The following ZDHHC14 variants were observed in gnomAD, a reference collection of about 807,000 sequenced individuals.
ZDHHC14 encodes the protein zDHHC palmitoyltransferase 14.
Under a neutral mutation model 47.7 loss-of-function variants are expected in ZDHHC14, and 16 were observed. The observed-to-expected ratio is 0.34, with a 90% CI of 0.23 to 0.51. ZDHHC14 has a LOEUF of 0.51. Ranked by LOEUF, ZDHHC14 falls within the 20% of genes least tolerant of loss-of-function variation. The pLI is 0.97. For missense variants in ZDHHC14, 515 were observed against 662.5 expected (o/e 0.78, Z 2.44); for synonymous variants, 293 against 278.9 (o/e 1.05, Z -0.50).
intron 5 of ZDHHC14, among the ~76,000 whole-genome samples, chr6:157,640,983 G>A (rs1277698439): frequency 6.6e-6 from 1 of 152,170 alleles, no homozygotes; most frequent in African/African-American, 2.4e-5. Flanking sequence ...TGATACGGGG[G>A]TGGGAGGACT....
chr6:157,578,576 C>A (rs900245703), intron 2 of ZDHHC14, among the ~76,000 whole-genome samples: 1 of 152,166 alleles, frequency 6.6e-6, no homozygotes, highest in Non-Finnish European at 1.5e-5. Flanking sequence ...TGTGGCCCCA[C>A]CCAAATCTCA....
intron 8 of ZDHHC14, among the ~76,000 whole-genome samples, chr6:157,657,291 A>G (rs551689949): frequency 6.6e-6 from 1 of 152,120 alleles, no homozygotes; most frequent in South Asian, 2.1e-4. Context: ...CAAGCGATCC[A>G]CCTGCCTCAG....
chr6:157,582,340 T>C lies in ZDHHC14; in HGVS notation c.407-10648T>C, dbSNP rs1783547932. Among the ~76,000 whole-genome samples the C allele has an allele frequency of 6.6e-6, 1 of 152,242 alleles. No homozygotes were observed. Among genetic ancestry groups the C allele is most frequent in the South Asian group, 2.1e-4 (1 of 4,834 alleles). On this transcript the variant is annotated intron_variant, in intron 2 of 8. Transcript: ENST00000359775. The surrounding 1 kb of genome is among the most constrained non-coding windows in gnomAD (Gnocchi z 4.3). The stretch of plus-strand genomic sequence containing the variant: ...GTTGCTTTATAGAGTCACCAGTCTG[T>C]GTACTTGAGTGTGTTTTTGTAGTGG...
chr6:157,579,190 G>GTTT (rs1187065924), intron 2 of ZDHHC14, among the ~76,000 whole-genome samples: 1,845 of 63,932 alleles, frequency 0.029, 573 homozygotes, highest in Non-Finnish European at 0.038. Context: ...TTGATTCTGT[G>GTTT]TTTTTTTTTT....
chr6:157,537,612 C>A (rs1490537008), intron 1 of ZDHHC14, among the ~76,000 whole-genome samples: 1 of 152,152 alleles, frequency 6.6e-6, no homozygotes. Context: ...CTACACTGCC[C>A]TGAGTTGTAT....
At chr6:157,516,782 G>A (rs1456047649) in intron 1 of ZDHHC14, among the ~76,000 whole-genome samples, 1 of 152,194 alleles carries the variant, frequency 6.6e-6, no homozygotes, top group African/African-American at 2.4e-5. Context: ...CCTGCAGGGT[G>A]TCAGTCACCG....
rs779898396 is a variant in ZDHHC14 at position 157,593,049 on chromosome 6, C to T, written c.468C>T (p.Ile156=). 5 of 1,614,204 alleles carry T rather than the reference C, an allele frequency of 3.1e-6. No homozygotes were observed. Among genetic ancestry groups the T allele is most frequent in the Non-Finnish European group, 3.4e-6 (4 of 1,180,034 alleles). ...YRPPPRTKEV[I]INGQTVKLKY... ...CGCCTCCCAGAACCAAAGAAGTCAT[C>T]ATCAATGGCCAGACCGTGAAACTTA... Residue 156 remains isoleucine (I), a synonymous_variant, in exon 3 of 9, where the codon ATC becomes ATT. Coordinates refer to ENST00000359775, the MANE Select transcript of ZDHHC14 (RefSeq NM_024630.3).
chr6:157,659,914 C>T (rs1159930432), intron 8 of ZDHHC14, among the ~76,000 whole-genome samples: 1 of 152,218 alleles, frequency 6.6e-6, no homozygotes, highest in African/African-American at 2.4e-5. Flanking sequence ...AGCTGAACTT[C>T]AAGCCATTCT....
chr6:157,560,150 A>G (rs1782649584), intron 2 of ZDHHC14, among the ~76,000 whole-genome samples: 2 of 152,242 alleles, frequency 1.3e-5, no homozygotes, highest in African/African-American at 4.8e-5. Flanking sequence ...GCCCACGGAA[A>G]GAGGCAAGTG....
intron 1 of ZDHHC14, among the ~76,000 whole-genome samples, chr6:157,460,185 AGAGT>A (rs1276553363): frequency 6.6e-6 from 1 of 151,838 alleles, no homozygotes; most frequent in African/African-American, 2.4e-5. Context: ...CCTGGGCAAC[AGAGT>A]GAGACTCCAT....
chr6:157,647,230 G>T, intron 6 of ZDHHC14, 29 bp from the exon 7 acceptor site: 2 of 1,545,178 alleles, frequency 1.3e-6, no homozygotes, highest in South Asian at 1.1e-5. Context: ...GGAAGATATT[G>T]CTTGTTACTG....
At chr6:157,452,637 A>G (rs1009469542) in intron 1 of ZDHHC14, among the ~76,000 whole-genome samples, 1 of 151,564 alleles carries the variant, frequency 6.6e-6, no homozygotes, top group African/African-American at 2.4e-5. Context: ...TTATAACCCA[A>G]ATTGAAAGGA....
chr6:157,645,782 T>G lies in ZDHHC14; in HGVS notation c.798T>G (p.Val266=). 6.2e-7 allele frequency: 1 copy of G among 1,614,144 alleles called. No individual in the cohort carries two copies. Among genetic ancestry groups the G allele is most frequent in the South Asian group, 1.1e-5 (1 of 91,062 alleles). The part of the protein sequence containing the change: ...VVCFFSVWSI[V]GLSGFHTYLI... ...GCTTCTTCTCTGTCTGGTCCATCGT[T>G]GGCCTCTCAGGATTCCACACCTACT... The change falls in exon 6 of 9, where the codon GTT becomes GTG. Residue 266 remains valine (V), a synonymous_variant. Transcript: ENST00000359775.
chr6:157,383,893 C>T (rs1160655364), intron 1 of ZDHHC14, among the ~76,000 whole-genome samples: 1 of 152,166 alleles, frequency 6.6e-6, no homozygotes. Flanking sequence ...TGAGAGCAGC[C>T]TCTTGTCCTT....
At chr6:157,525,947 C>G (rs563229369) in intron 1 of ZDHHC14, among the ~76,000 whole-genome samples, 2 of 152,306 alleles carry the variant, frequency 1.3e-5, no homozygotes, top group Admixed American at 1.3e-4. Flanking sequence ...ATAAACTGAT[C>G]ACTCTTCTGC....
rs910852142 is a variant in ZDHHC14 at position 157,675,545 on chromosome 6, A to G, written c.*2423A>G. On this transcript the variant is annotated 3_prime_UTR_variant, in exon 9 of 9. Coordinates refer to ENST00000359775, the MANE Select transcript of ZDHHC14 (RefSeq NM_024630.3). ...ACTTGAATGGGCCAATTTGCTAGATAATTAATGTCTTAAAAACCAAAACCA... is the reference window on the plus strand; with the variant it reads ...ACTTGAATGGGCCAATTTGCTAGATGATTAATGTCTTAAAAACCAAAACCA... The G allele has an allele frequency of 1.3e-5, 2 of 152,202 alleles. No homozygotes were observed. The highest frequency in any genetic ancestry group is 4.8e-5 in the African/African-American group (2 of 41,458). 9.4% of individuals were successfully genotyped at this position (152,202 alleles called of 1,614,324 possible). A position where few individuals can be genotyped will look rare whatever the true frequency, so the allele number is the denominator to read the frequency against.
At chr6:157,591,358 T>C (rs1783902423) in intron 2 of ZDHHC14, among the ~76,000 whole-genome samples, 1 of 152,194 alleles carries the variant, frequency 6.6e-6, no homozygotes, top group African/African-American at 2.4e-5. Context: ...AGGGACCCAG[T>C]GGGAGGTAAT....
intron 3 of ZDHHC14, among the ~76,000 whole-genome samples, chr6:157,625,503 G>A (rs1785370763): frequency 6.6e-6 from 1 of 152,144 alleles, no homozygotes. Context: ...CAGTGAGAGA[G>A]AAAGACAGTC....
intron 3 of ZDHHC14, among the ~76,000 whole-genome samples, chr6:157,624,674 C>T (rs1785330962): frequency 1.3e-5 from 2 of 152,182 alleles, no homozygotes; most frequent in Admixed American, 6.5e-5. Flanking sequence ...CCCAGCTTTG[C>T]GATACACTAA....
Sources: gnomAD v4.1 joint callset for allele counts (sites outside exome capture counted in the v4.1 genomes callset) on GRCh38, gnomAD v4.1.1 for gene constraint, Gnocchi (gnomAD v3.1) non-coding constraint, MANE v1.5 for transcripts, NCBI Gene and HGNC (gene_info 2026-07-23, HGNC 2026-07-21) for gene names.